TMPRSS6: variants seen among roughly 807,000 people sequenced by gnomAD.
TMPRSS6 encodes transmembrane protease serine 6.
Under a neutral mutation model 101.5 loss-of-function variants are expected in TMPRSS6, and 67 were observed. The observed-to-expected ratio is 0.66, with a 90% confidence interval of 0.54 to 0.81. The LOEUF (loss-of-function observed/expected upper bound fraction) is 0.81, where lower values mean the gene tolerates loss of function less well. Among genes scored for constraint, TMPRSS6 ranks in the 30% least tolerant of loss-of-function variants. The pLI, the probability that TMPRSS6 is intolerant of heterozygous loss-of-function variation, is 0.00. For missense variants in TMPRSS6, 1,034 were observed against 1,088.7 expected (o/e 0.95, Z 0.71); for synonymous variants, 453 against 464.9 (o/e 0.97, Z 0.33).
intron 2 of TMPRSS6, among the ~76,000 whole-genome samples, chr22:37,102,617 T>G (rs1276353279): frequency 6.6e-6 from 1 of 152,108 alleles, no homozygotes; most frequent in African/African-American, 2.4e-5. Context: ...GGCTGTGACA[T>G]CAGGGAGGGG....
intron 10 of TMPRSS6, among the ~76,000 whole-genome samples, chr22:37,075,771 A>G (rs560242222): frequency 1.6e-4 from 25 of 152,260 alleles, no homozygotes; most frequent in Non-Finnish European, 3.2e-4. Flanking sequence ...GCATGGTGGC[A>G]CATGCTTGTA....
At chr22:37,072,713 GGAT>G (rs1927195086) in intron 13 of TMPRSS6, among the ~76,000 whole-genome samples, 1 of 140,838 alleles carries the variant, frequency 7.1e-6, no homozygotes. Context: ...GATGGATGAT[GGAT>G]GGATGATGGA....
At chr22:37,080,539 T>C (rs896170922) in intron 10 of TMPRSS6, among the ~76,000 whole-genome samples, 13 of 152,390 alleles carry the variant, frequency 8.5e-5, no homozygotes, top group African/African-American at 2.9e-4. Context: ...TTCCAACAAA[T>C]GCTCATTCTA....
chr22:37,080,678 G>A (rs1406614488), intron 10 of TMPRSS6, among the ~76,000 whole-genome samples: 1 of 152,250 alleles, frequency 6.6e-6, no homozygotes, highest in Non-Finnish European at 1.5e-5. Context: ...TCACACAGGA[G>A]GAGTCTGCGG....
intron 1 of TMPRSS6, among the ~76,000 whole-genome samples, chr22:37,105,645 C>G (rs184919430): frequency 0.025 from 3,808 of 152,216 alleles, 164 homozygotes; most frequent in African/African-American, 0.088. Context: ...CCTCCCTCTG[C>G]CAGAGGAGGA....
chr22:37,067,421 C>T (rs1288940667), intron 16 of TMPRSS6, among the ~76,000 whole-genome samples: 1 of 152,088 alleles, frequency 6.6e-6, no homozygotes, highest in Non-Finnish European at 1.5e-5. Flanking sequence ...GAGCCGAGAT[C>T]GCGCCATTGC....
At chr22:37,076,938 C>G (rs1176033964) in intron 10 of TMPRSS6, among the ~76,000 whole-genome samples, 2 of 152,216 alleles carry the variant, frequency 1.3e-5, no homozygotes, top group Non-Finnish European at 2.9e-5. Flanking sequence ...AATCCAACAC[C>G]CTGCGGAGCC....
intron 10 of TMPRSS6, 61 bp from the exon 11 acceptor site, chr22:37,075,341 G>A (rs1251631365): frequency 1.4e-5 from 22 of 1,605,642 alleles, no homozygotes; most frequent in African/African-American, 4.0e-5. Flanking sequence ...CCCGTGCACA[G>A]ACAGAGCAAG....
At chr22:37,074,749 A>AT (rs1927461352) in intron 11 of TMPRSS6, 41 bp from the exon 12 acceptor site, 4 of 1,604,780 alleles carry the variant, frequency 2.5e-6, no homozygotes, top group Non-Finnish European at 3.4e-6. Context: ...GCAGGGCGCC[A>AT]TTAGGCCATG....
intron 10 of TMPRSS6, among the ~76,000 whole-genome samples, chr22:37,076,324 A>G (rs1407798772): frequency 2.6e-5 from 4 of 152,140 alleles, no homozygotes; most frequent in Non-Finnish European, 4.4e-5. Context: ...CATGACCAGT[A>G]GCTTAGTGCT....
intron 1 of TMPRSS6, among the ~76,000 whole-genome samples, chr22:37,105,968 T>G (rs1930688521): frequency 6.6e-6 from 1 of 152,172 alleles, no homozygotes; most frequent in African/African-American, 2.4e-5. Flanking sequence ...CTCTTGAGTC[T>G]GGATCACAAA....
At position 37,086,266 on chromosome 22, in the gene TMPRSS6, G is replaced by A. The variant is rs757945824; in HGVS notation, c.973+17C>T. On this transcript the variant is annotated intron_variant, in intron 8 of 17. Coordinates refer to ENST00000676104, the MANE Select transcript of TMPRSS6 (RefSeq NM_001374504.1). Reference sequence around the variant, plus strand: ...ACCACCACCCCTCCCCTGCCCCAGGGACCCCTGACCTCTCACCCTGGAAGA... The same window carrying A: ...ACCACCACCCCTCCCCTGCCCCAGGAACCCCTGACCTCTCACCCTGGAAGA... The A allele has an allele frequency of 1.9e-6, 3 of 1,614,056 alleles. No homozygotes were observed. In the South Asian group the frequency reaches 3.3e-5, roughly 18 times the overall value.
chr22:37,083,944 T>C, intron 10 of TMPRSS6: 1 of 529,354 alleles, frequency 1.9e-6, no homozygotes, highest in Non-Finnish European at 3.3e-6. Context: ...CATGAGTCCT[T>C]TGGCTCTGGA....
At chr22:37,076,335 G>C (rs1927667246) in intron 10 of TMPRSS6, among the ~76,000 whole-genome samples, 1 of 152,188 alleles carries the variant, frequency 6.6e-6, no homozygotes, top group South Asian at 2.1e-4. Flanking sequence ...GCTTAGTGCT[G>C]ATGGGCAGCA....
rs145073875 is a variant in TMPRSS6, at chr22:37,096,691, G to A, written c.361C>T (p.Arg121Cys). ...CTGGAGTTGTAGTAAGTTCCCAGGC[G>A]GGTGCTGGTGATGAGCTCCTTGAGC... ...KMLKELITST[R>C]LGTYYNSSSV... Residue 121 changes from arginine (R) to cysteine (C), a missense_variant, in exon 4 of 18, where the codon CGC becomes TGC. By Grantham distance (180) the Arg-to-Cys change is radical. Coordinates refer to ENST00000676104, the MANE Select transcript of TMPRSS6 (RefSeq NM_001374504.1). 181 of 1,566,418 alleles carry A rather than the reference G, an allele frequency of 1.2e-4. No homozygotes were observed. The East Asian group carries it at 1.8e-3, about 15-fold the overall frequency.
Position 37,090,308 on chromosome 22 carries a change from G to A in TMPRSS6, c.632-526C>T, listed in dbSNP as rs373019405. Among the ~76,000 whole-genome samples the A allele has an allele frequency of 3.9e-5, 6 of 152,330 alleles. No individual in the cohort carries two copies. In the East Asian group the frequency reaches 1.2e-3, roughly 29 times the overall value. ...GGCGCTGCTTTCTCCTGCAGCCATA[G>A]GGAGCCACAGAAGGTTGGGCAAGGC... is the stretch of plus-strand genomic sequence containing the variant. On this transcript the variant is annotated intron_variant, in intron 6 of 17. Transcript: ENST00000676104.
intron 2 of TMPRSS6, 142 bp from the exon 3 acceptor site, chr22:37,098,691 ATCATCT>A (rs1212140843): frequency 9.0e-7 from 1 of 1,105,546 alleles, no homozygotes; most frequent in Non-Finnish European, 1.4e-6. Context: ...TGTCATCATC[ATCATCT>A]TTGTCACTCC....
At chr22:37,100,073 T>A (rs1442308542) in intron 2 of TMPRSS6, among the ~76,000 whole-genome samples, 2 of 152,250 alleles carry the variant, frequency 1.3e-5, no homozygotes, top group Non-Finnish European at 2.9e-5. Flanking sequence ...GTTCAAGCGA[T>A]TCTCCTGCCT....
At chr22:37,073,011 T>C (rs1601524578) in intron 13 of TMPRSS6, among the ~76,000 whole-genome samples, 2 of 133,488 alleles carry the variant, frequency 1.5e-5, no homozygotes, top group South Asian at 4.9e-4. Flanking sequence ...GGATGGATGA[T>C]GGATGGATGG....
Sources: gnomAD v4.1 joint callset for allele counts (sites outside exome capture counted in the v4.1 genomes callset) on GRCh38, gnomAD v4.1.1 for gene constraint, MANE v1.5 for transcripts, NCBI Gene and HGNC (gene_info 2026-07-23, HGNC 2026-07-21) for gene names.